Variants in GPC5 observed in about 807,000 individuals in gnomAD.
GPC5 encodes glypican-5.
GPC5 carries 47 observed loss-of-function variants against 53.9 expected under a neutral mutation model. That is an observed-to-expected ratio of 0.87 (90% CI 0.69 to 1.11). GPC5 has a LOEUF of 1.11. GPC5 is among the 50% of genes most tolerant of loss of function. The probability of loss-of-function intolerance (pLI) is 0.00; values close to 1 mark genes in which losing one functional copy is unlikely to be tolerated. For missense variants in GPC5, 748 were observed against 713.1 expected, an observed-to-expected ratio of 1.05 and a Z score of -0.56; for synonymous variants, 286 against 263.3, an observed-to-expected ratio of 1.09 and a Z score of -0.84.
rs9301739 is a variant in GPC5 at position 91,572,521 on chromosome 13, T to G, written c.326-120666T>G. On this transcript the variant is annotated intron_variant, in intron 2 of 7. Transcript: ENST00000377067. Reference sequence around the variant, plus strand: ...ATGGCTGACAGCAAAGGGGGAGCCATTGTATCACATGGTGAGAGAGAGTGA... The same window carrying G: ...ATGGCTGACAGCAAAGGGGGAGCCAGTGTATCACATGGTGAGAGAGAGTGA... Among the ~76,000 whole-genome samples the G allele has an allele frequency of 4.2e-4, 64 of 151,974 alleles. 1 individual carries two copies. Among genetic ancestry groups the G allele is most frequent in the African/African-American group, 1.5e-3 (62 of 41,434 alleles).
intron 7 of GPC5, among the ~76,000 whole-genome samples, chr13:92,360,822 T>C (rs564461214): frequency 6.6e-6 from 1 of 151,990 alleles, no homozygotes; most frequent in East Asian, 1.9e-4. Context: ...CTAGCATTCC[T>C]ATGCATCAAT....
chr13:92,579,518 TG>T (rs1349402102), intron 7 of GPC5, among the ~76,000 whole-genome samples: 3 of 151,722 alleles, frequency 2.0e-5, no homozygotes, highest in Non-Finnish European at 4.4e-5. Context: ...TGAACAGGTG[TG>T]GGTTTTATCT....
In GPC5 at chr13:91,398,698, T is replaced by C. The variant is rs949607118; in HGVS notation, c.-349T>C. On this transcript the variant is annotated 5_prime_UTR_variant, in exon 1 of 8. Coordinates refer to ENST00000377067, the MANE Select transcript of GPC5 (RefSeq NM_004466.6). ...GCGGCAGTGGCGGCAGTGGCGGCAG[T>C]GGCGGCAGCGGCAGCAGTTGCAGCA... 1,099 of 195,472 alleles carry C rather than the reference T, an allele frequency of 5.6e-3. 16 individuals are homozygous for C. The highest frequency in any genetic ancestry group is 0.021 in the African/African-American group (771 of 36,080). 12.1% of individuals were successfully genotyped at this position (195,472 alleles called of 1,614,324 possible). A position where few individuals can be genotyped will look rare whatever the true frequency, so the allele number is the denominator to read the frequency against.
intron 7 of GPC5, among the ~76,000 whole-genome samples, chr13:92,518,797 A>AT (rs1283794723): frequency 6.6e-6 from 1 of 152,224 alleles, no homozygotes; most frequent in Admixed American, 6.5e-5. Flanking sequence ...TTAAATGTAA[A>AT]TGGGCTAAAT....
At chr13:91,999,161 C>T (rs922726316) in intron 6 of GPC5, among the ~76,000 whole-genome samples, 5 of 151,908 alleles carry the variant, frequency 3.3e-5, no homozygotes, top group African/African-American at 1.2e-4. Context: ...GAAATTTAAT[C>T]TCATTTTATG....
At chr13:91,838,035 A>T (rs1220449170) in intron 5 of GPC5, among the ~76,000 whole-genome samples, 2 of 152,190 alleles carry the variant, frequency 1.3e-5, no homozygotes, top group Non-Finnish European at 2.9e-5. Flanking sequence ...AATGCATTCA[A>T]CAGTCAAGTG....
At chr13:92,719,152 T>A (rs1486342676) in intron 7 of GPC5, among the ~76,000 whole-genome samples, 1 of 151,272 alleles carries the variant, frequency 6.6e-6, no homozygotes, top group Non-Finnish European at 1.5e-5. Flanking sequence ...TTGAAATACA[T>A]AGATGATTCC....
intron 7 of GPC5, among the ~76,000 whole-genome samples, chr13:92,285,660 A>T (rs1417846880): frequency 6.6e-6 from 1 of 152,198 alleles, no homozygotes; most frequent in Admixed American, 6.5e-5. Context: ...CTATTTAATA[A>T]ATGGTGCTGG....
At chr13:91,766,621 G>C (rs1027303970) in intron 5 of GPC5, among the ~76,000 whole-genome samples, 1 of 152,146 alleles carries the variant, frequency 6.6e-6, no homozygotes, top group Non-Finnish European at 1.5e-5. Context: ...CCAGCGCTTC[G>C]GGAGGCTGAG....
chr13:92,300,307 C>A (rs1354735259), intron 7 of GPC5, among the ~76,000 whole-genome samples: 1 of 152,084 alleles, frequency 6.6e-6, no homozygotes, highest in Non-Finnish European at 1.5e-5. Context: ...GGGTTCTCTC[C>A]AATTCCACCT....
chr13:91,831,090 T>C (rs909325175), intron 5 of GPC5, among the ~76,000 whole-genome samples: 1 of 140,646 alleles, frequency 7.1e-6, no homozygotes, highest in African/African-American at 2.6e-5. Context: ...TATAATAATA[T>C]ATATCCTATT....
intron 7 of GPC5, among the ~76,000 whole-genome samples, chr13:92,647,666 T>C (rs1885818198): frequency 6.6e-6 from 1 of 152,102 alleles, no homozygotes. Flanking sequence ...AACATAAAAA[T>C]TGTTTTGAGT....
At chr13:92,458,141 T>C (rs1349813047) in intron 7 of GPC5, among the ~76,000 whole-genome samples, 1 of 152,204 alleles carries the variant, frequency 6.6e-6, no homozygotes, top group Non-Finnish European at 1.5e-5. Flanking sequence ...ACTCCTGTTA[T>C]GTCTGCATGT....
At position 92,463,442 on chromosome 13, in the gene GPC5, G is replaced by A. The variant is rs117595722; in HGVS notation, c.1561+318453G>A. ...AGCAAAGGCTAGCGTTTGCCAGATG[G>A]TTTCTCAGATCTCTCCCATTTCTGA... On this transcript the variant is annotated intron_variant, in intron 7 of 7. Coordinates refer to ENST00000377067, the MANE Select transcript of GPC5 (RefSeq NM_004466.6). Among the ~76,000 whole-genome samples the A allele has an allele frequency of 2.7e-3, 408 of 152,288 alleles. 5 individuals are homozygous for A. In the East Asian group the frequency reaches 0.035, roughly 13 times the overall value.
At chr13:92,850,214 T>C (rs1338403910) in intron 7 of GPC5, among the ~76,000 whole-genome samples, 1 of 152,082 alleles carries the variant, frequency 6.6e-6, no homozygotes, top group Non-Finnish European at 1.5e-5. Flanking sequence ...TGATACGTGG[T>C]GCCTAACATA....
At chr13:92,707,789 A>G (rs536813427) in intron 7 of GPC5, among the ~76,000 whole-genome samples, 1 of 152,128 alleles carries the variant, frequency 6.6e-6, no homozygotes, top group Non-Finnish European at 1.5e-5. Flanking sequence ...TTTTGTAGCC[A>G]GAGGCAAGAT....
At chr13:92,827,425 T>C (rs1239589974) in intron 7 of GPC5, among the ~76,000 whole-genome samples, 2 of 152,138 alleles carry the variant, frequency 1.3e-5, no homozygotes, top group East Asian at 3.9e-4. Flanking sequence ...AAGGAGGCGA[T>C]GACCTAGAAG....
At chr13:91,502,591 G>A (rs950410553) in intron 2 of GPC5, among the ~76,000 whole-genome samples, 5 of 152,112 alleles carry the variant, frequency 3.3e-5, no homozygotes, top group African/African-American at 9.7e-5. Flanking sequence ...TCCCAGAACT[G>A]CAGTTTCAAG....
intron 5 of GPC5, among the ~76,000 whole-genome samples, chr13:91,877,617 T>C (rs1171021590): frequency 1.3e-5 from 2 of 152,246 alleles, no homozygotes; most frequent in Non-Finnish European, 2.9e-5. Flanking sequence ...ACTAGTTTGC[T>C]TTTGATTACA....
Sources: gnomAD v4.1 joint callset for allele counts (sites outside exome capture counted in the v4.1 genomes callset) on GRCh38, gnomAD v4.1.1 for gene constraint, MANE v1.5 for transcripts, NCBI Gene and HGNC (gene_info 2026-07-23, HGNC 2026-07-21) for gene names.